The following CNOT2 variants were observed in gnomAD, a reference collection of about 807,000 sequenced individuals.
CNOT2 encodes the protein CC chemokine receptor 4-negative regulator of transcription 2.
Under a neutral mutation model 72.1 loss-of-function variants are expected in CNOT2, and 7 were observed. The observed-to-expected ratio is 0.10, with a 90% CI of 0.06 to 0.18. The LOEUF (loss-of-function observed/expected upper bound fraction) is 0.18, where lower values mean the gene tolerates loss of function less well. CNOT2 is among the 10% of genes least tolerant of loss of function. The pLI is 1.00. For synonymous variants in CNOT2, 196 were observed against 225.6 expected, an observed-to-expected ratio of 0.87 and a Z score of 1.17; for missense variants, 345 against 660.3, an observed-to-expected ratio of 0.52 and a Z score of 5.23.
intron 15 of CNOT2, among the ~76,000 whole-genome samples, chr12:70,351,173 T>C (rs1882816923): frequency 6.6e-6 from 1 of 152,174 alleles, no homozygotes; most frequent in South Asian, 2.1e-4. Context: ...CATTTGATAA[T>C]ATTAGAAAAA....
chr12:70,270,666 C>G (rs541638006), intron 1 of CNOT2, among the ~76,000 whole-genome samples: 14 of 152,240 alleles, frequency 9.2e-5, no homozygotes, highest in African/African-American at 3.4e-4. Context: ...AACTGACCCA[C>G]TCTTTTAAAC....
chr12:70,299,492 C>G (rs562049919), intron 2 of CNOT2, among the ~76,000 whole-genome samples: 1 of 150,516 alleles, frequency 6.6e-6, no homozygotes, highest in Non-Finnish European at 1.5e-5. Flanking sequence ...TTTGTCCTTG[C>G]GATAGTTTGC....
chr12:70,259,472 A>G (rs1472187534), intron 1 of CNOT2, among the ~76,000 whole-genome samples: 1 of 152,132 alleles, frequency 6.6e-6, no homozygotes, highest in Admixed American at 6.5e-5. Context: ...CATCATTCAG[A>G]TACAGAATAT....
At chr12:70,281,870 A>G (rs1161817706) in intron 2 of CNOT2, among the ~76,000 whole-genome samples, 1 of 152,208 alleles carries the variant, frequency 6.6e-6, no homozygotes, top group Non-Finnish European at 1.5e-5. Flanking sequence ...AATTAAATAA[A>G]TTTTAAAGTT....
At chr12:70,319,412 T>C (rs369587333) in intron 4 of CNOT2, 48 bp downstream of exon 4, 4 of 1,540,504 alleles carry the variant, frequency 2.6e-6, no homozygotes, top group Non-Finnish European at 3.6e-6. Flanking sequence ...AAGAGAAAAA[T>C]AAGTAACTAC....
Position 70,321,193 on chromosome 12 carries a change from T to C in CNOT2, c.238+1829T>C, listed in dbSNP as rs1878240182. Reference sequence around the variant, plus strand: ...TACTCTTTTAAAATGACATTTTAAGTGTTAGATAGAGTACAGAAAAATTGA... The same window carrying C: ...TACTCTTTTAAAATGACATTTTAAGCGTTAGATAGAGTACAGAAAAATTGA... On this transcript the variant is annotated intron_variant, in intron 4 of 15. Transcript: ENST00000229195. Among the ~76,000 whole-genome samples, 3 of 151,916 alleles carry C rather than the reference T, an allele frequency of 2.0e-5. No individual in the cohort carries two copies. In the Admixed American group the frequency reaches 2.0e-4, roughly 10 times the overall value.
At chr12:70,281,229 C>G (rs887389444) in intron 2 of CNOT2, among the ~76,000 whole-genome samples, 1 of 151,990 alleles carries the variant, frequency 6.6e-6, no homozygotes, top group East Asian at 1.9e-4. Flanking sequence ...GGATTACAGG[C>G]GTGCGCCACC....
chr12:70,314,023 T>TA (rs1457936220), intron 3 of CNOT2, among the ~76,000 whole-genome samples: 2 of 152,084 alleles, frequency 1.3e-5, no homozygotes, highest in African/African-American at 2.4e-5. Flanking sequence ...TCCTTTGTTT[T>TA]AAAAAAATGG....
intron 1 of CNOT2, among the ~76,000 whole-genome samples, chr12:70,274,693 T>C (rs1247464666): frequency 6.6e-6 from 1 of 152,114 alleles, no homozygotes; most frequent in African/African-American, 2.4e-5. Flanking sequence ...CTTAGGAAAC[T>C]AAGGCCAGAG....
chr12:70,344,449 T>A (rs945363017), intron 14 of CNOT2: 5 of 431,210 alleles, frequency 1.2e-5, no homozygotes, highest in African/African-American at 1.0e-4. Flanking sequence ...ATGCTGAAGC[T>A]GGGTGCAGTG....
In CNOT2 at chr12:70,338,650, T is replaced by C; in HGVS notation, c.1022-16T>C. The C allele has an allele frequency of 6.2e-7, 1 of 1,604,326 alleles. No homozygotes were observed. The highest frequency in any genetic ancestry group is 8.5e-7 in the Non-Finnish European group (1 of 1,176,756). ...TTTTTCTTGAAAATAAAAGCAACTG[T>C]GTTTTTCCTACCCAGGTCGGGTTAC... is the stretch of plus-strand genomic sequence containing the variant. On this transcript the variant is annotated splice_polypyrimidine_tract_variant and intron_variant, in intron 10 of 15. Transcript: ENST00000229195.
At chr12:70,245,735 AC>A (rs1409192674) in intron 1 of CNOT2, among the ~76,000 whole-genome samples, 1 of 152,148 alleles carries the variant, frequency 6.6e-6, no homozygotes, top group Non-Finnish European at 1.5e-5. Flanking sequence ...TGGGCAAAAA[AC>A]AAAAACAAAA....
At chr12:70,312,106 T>C (rs1200639086) in intron 3 of CNOT2, among the ~76,000 whole-genome samples, 2 of 151,962 alleles carry the variant, frequency 1.3e-5, no homozygotes, top group Non-Finnish European at 2.9e-5. Flanking sequence ...CTAATGTGTG[T>C]TGTGGCTTTG....
At chr12:70,248,840 C>T (rs938586219) in intron 1 of CNOT2, among the ~76,000 whole-genome samples, 3 of 151,968 alleles carry the variant, frequency 2.0e-5, no homozygotes, top group Non-Finnish European at 2.9e-5. Context: ...GGACACCAGT[C>T]CTTTCTCTGC....
chr12:70,278,785 C>T (rs1393860865), intron 2 of CNOT2, among the ~76,000 whole-genome samples: 1 of 152,052 alleles, frequency 6.6e-6, no homozygotes, highest in Non-Finnish European at 1.5e-5. Context: ...ATGCTAGATT[C>T]TTGTTTTCTC....
chr12:70,321,099 T>C (rs560159311), intron 4 of CNOT2, among the ~76,000 whole-genome samples: 39 of 152,020 alleles, frequency 2.6e-4, no homozygotes, highest in African/African-American at 9.1e-4. Flanking sequence ...ACATTTTCCA[T>C]TGGAGTTCAG....
chr12:70,265,869 CTA>C (rs1322360117), intron 1 of CNOT2, among the ~76,000 whole-genome samples: 7 of 151,914 alleles, frequency 4.6e-5, no homozygotes, highest in Non-Finnish European at 1.5e-5. Flanking sequence ...TATAATACCT[CTA>C]TGACCATGGA....
At chr12:70,340,868 T>C (rs1024488611) in intron 11 of CNOT2, among the ~76,000 whole-genome samples, 2 of 150,802 alleles carry the variant, frequency 1.3e-5, no homozygotes, top group African/African-American at 4.9e-5. Context: ...TGTGGTTTCA[T>C]TATGATTAAA....
Position 70,255,401 on chromosome 12 carries a change from A to G in CNOT2, c.-96+11921A>G, listed in dbSNP as rs1047892089. Among the ~76,000 whole-genome samples, 7 of 152,272 alleles carry G rather than the reference A, an allele frequency of 4.6e-5. No individual in the cohort carries two copies. The South Asian group carries it at 1.4e-3, about 32-fold the overall frequency. ...CTTGTGTATTCTTGTGCATATGTGTATGAATAACTTACGCTGTTCTTTGTC... is the reference window on the plus strand; with the variant it reads ...CTTGTGTATTCTTGTGCATATGTGTGTGAATAACTTACGCTGTTCTTTGTC... On this transcript the variant is annotated intron_variant, in intron 1 of 15. Coordinates refer to ENST00000229195, the MANE Select transcript of CNOT2 (RefSeq NM_014515.7).
Sources: gnomAD v4.1 joint callset for allele counts (sites outside exome capture counted in the v4.1 genomes callset) on GRCh38, gnomAD v4.1.1 for gene constraint, MANE v1.5 for transcripts, NCBI Gene and HGNC (gene_info 2026-07-23, HGNC 2026-07-21) for gene names.